SETBP1: variants seen among roughly 807,000 people sequenced by gnomAD.
SETBP1 encodes the protein SET-binding protein.
SETBP1 carries 9 observed loss-of-function variants against 101.0 expected under a neutral mutation model. The observed-to-expected ratio is 0.09, with a 90% CI of 0.05 to 0.16. The LOEUF is 0.16. Ranked by LOEUF, SETBP1 falls within the 10% of genes least tolerant of loss-of-function variation. SETBP1 has a pLI of 1.00. For synonymous variants in SETBP1, 818 were observed against 788.5 expected (o/e 1.04, Z -0.63); for missense variants, 1,858 against 2,033.8 (o/e 0.91, Z 1.66).
At chr18:44,929,061 T>C (rs1033306288) in intron 3 of SETBP1, among the ~76,000 whole-genome samples, 11 of 152,250 alleles carry the variant, frequency 7.2e-5, no homozygotes, top group African/African-American at 2.4e-4. Context: ...TTTATGGCTT[T>C]AGGTCTAACA....
intron 3 of SETBP1, among the ~76,000 whole-genome samples, chr18:44,916,115 A>G (rs1322158557): frequency 6.6e-6 from 1 of 152,050 alleles, no homozygotes; most frequent in Non-Finnish European, 1.5e-5. Context: ...AGTCCCAGCT[A>G]CTCGGGAGGC....
chr18:44,773,985 A>G (rs1248274779), intron 2 of SETBP1, among the ~76,000 whole-genome samples: 1 of 152,130 alleles, frequency 6.6e-6, no homozygotes, highest in Non-Finnish European at 1.5e-5. Context: ...ACAACCACTT[A>G]TAGGTGCCTG....
chr18:44,840,750 A>G (rs2072599073), intron 2 of SETBP1, among the ~76,000 whole-genome samples: 1 of 152,222 alleles, frequency 6.6e-6, no homozygotes, highest in Non-Finnish European at 1.5e-5. Context: ...GAACACAAAA[A>G]ACCCATCTAG....
At chr18:44,998,307 G>A (rs930371858) in intron 4 of SETBP1, among the ~76,000 whole-genome samples, 1 of 152,200 alleles carries the variant, frequency 6.6e-6, no homozygotes, top group Non-Finnish European at 1.5e-5. Flanking sequence ...CCGTTTCCGG[G>A]GTATCTCTCC....
intron 3 of SETBP1, among the ~76,000 whole-genome samples, chr18:44,901,670 C>A (rs1485448995): frequency 3.9e-5 from 6 of 152,140 alleles, no homozygotes; most frequent in Non-Finnish European, 1.5e-5. Flanking sequence ...AGAATCCAAC[C>A]TTTCCTGTCA....
intron 2 of SETBP1, among the ~76,000 whole-genome samples, chr18:44,777,254 C>A (rs1015271980): frequency 2.6e-5 from 4 of 152,120 alleles, no homozygotes; most frequent in Non-Finnish European, 5.9e-5. Context: ...GAATTTGAAT[C>A]CAGCCTGGTC....
chr18:44,992,103 T>A (rs1176460867), intron 4 of SETBP1, among the ~76,000 whole-genome samples: 1 of 152,154 alleles, frequency 6.6e-6, no homozygotes, highest in Non-Finnish European at 1.5e-5. Context: ...GCAGCTAGGT[T>A]GATTCTTGGA....
intron 3 of SETBP1, among the ~76,000 whole-genome samples, chr18:44,914,052 G>A (rs2070373919): frequency 6.6e-6 from 1 of 152,150 alleles, no homozygotes; most frequent in South Asian, 2.1e-4. Context: ...CTTAGCTGGG[G>A]GACAGGCCCT....
chr18:45,044,413 A>G (rs986830417), intron 5 of SETBP1, among the ~76,000 whole-genome samples: 1 of 152,212 alleles, frequency 6.6e-6, no homozygotes, highest in Non-Finnish European at 1.5e-5. Flanking sequence ...TGGCACGTGC[A>G]TGAAAGGCAC....
rs114576669 is a variant in SETBP1, at chr18:44,803,827, C to A, written c.487-65403C>A. Among the ~76,000 whole-genome samples the A allele has an allele frequency of 3.4e-3, 514 of 152,220 alleles. 5 individuals carry two copies. The highest frequency in any genetic ancestry group is 0.012 in the African/African-American group (493 of 41,548). ...TTCTTTAAAAGAAACTTTTTCCTAT[C>A]TAGCTAAAATTTACTGTTTTCAGGA... On this transcript the variant is annotated intron_variant, in intron 2 of 5. Coordinates refer to ENST00000649279, the MANE Select transcript of SETBP1 (RefSeq NM_015559.3).
chr18:45,003,881 G>A (rs146822219), intron 4 of SETBP1, among the ~76,000 whole-genome samples: 325 of 152,222 alleles, frequency 2.1e-3, no homozygotes, highest in African/African-American at 7.4e-3. Flanking sequence ...TAGTCCTTTC[G>A]TAAGATAGTA....
chr18:44,906,165 A>G (rs1339929561), intron 3 of SETBP1, among the ~76,000 whole-genome samples: 3 of 152,208 alleles, frequency 2.0e-5, no homozygotes, highest in Admixed American at 6.5e-5. Flanking sequence ...GACACTGGAA[A>G]TCTTTGCATT....
At chr18:44,928,563 C>T (rs532763489) in intron 3 of SETBP1, among the ~76,000 whole-genome samples, 1 of 152,324 alleles carries the variant, frequency 6.6e-6, no homozygotes, top group South Asian at 2.1e-4. Context: ...AAAAGCATTC[C>T]TATTTCTCCA....
At chr18:44,799,867 A>G (rs1281455622) in intron 2 of SETBP1, among the ~76,000 whole-genome samples, 1 of 152,054 alleles carries the variant, frequency 6.6e-6, no homozygotes, top group African/African-American at 2.4e-5. Context: ...GGGTAAAGGA[A>G]CCTGAATGTG....
At chr18:44,902,398 A>G (rs542853939) in intron 3 of SETBP1, among the ~76,000 whole-genome samples, 2 of 151,716 alleles carry the variant, frequency 1.3e-5, no homozygotes, top group South Asian at 4.2e-4. Flanking sequence ...ATAAGAGTAA[A>G]ACTTCCCAGC....
At chr18:44,842,578 A>G (rs1051480454) in intron 2 of SETBP1, among the ~76,000 whole-genome samples, 4 of 152,180 alleles carry the variant, frequency 2.6e-5, no homozygotes, top group Non-Finnish European at 4.4e-5. Context: ...GGAATGGGCA[A>G]TTCCATCATG....
At chr18:44,799,653 A>G (rs1179535433) in intron 2 of SETBP1, among the ~76,000 whole-genome samples, 9 of 152,160 alleles carry the variant, frequency 5.9e-5, no homozygotes, top group Admixed American at 5.9e-4. Context: ...CAGAATGTGT[A>G]GGTTTGCTGG....
At chr18:44,939,236 C>A (rs2071031982) in intron 3 of SETBP1, among the ~76,000 whole-genome samples, 1 of 152,036 alleles carries the variant, frequency 6.6e-6, no homozygotes, top group South Asian at 2.1e-4. Flanking sequence ...CCAGCCCTTC[C>A]CAGCCCCGGT....
intron 4 of SETBP1, among the ~76,000 whole-genome samples, chr18:44,973,148 T>A (rs1489646779): frequency 6.6e-6 from 1 of 152,234 alleles, no homozygotes; most frequent in Non-Finnish European, 1.5e-5. Flanking sequence ...CTGGTTTTTG[T>A]CGTTGGTTCT....
Sources: gnomAD v4.1 joint callset for allele counts (sites outside exome capture counted in the v4.1 genomes callset) on GRCh38, gnomAD v4.1.1 for gene constraint, MANE v1.5 for transcripts, NCBI Gene and HGNC (gene_info 2026-07-23, HGNC 2026-07-21) for gene names.